Variants in ARSK observed in about 807,000 individuals in gnomAD.
The protein encoded by ARSK is arylsulfatase K.
A neutral mutation model predicts 53.2 loss-of-function variants in ARSK; 37 were observed. The ratio of observed to expected loss-of-function variants is 0.70; its 90% CI spans 0.54 to 0.92. The LOEUF is 0.92. Among genes scored for constraint, ARSK ranks in the 40% least tolerant of loss-of-function variants. The probability of loss-of-function intolerance (pLI) is 0.00; values close to 1 mark genes in which losing one functional copy is unlikely to be tolerated. For missense variants in ARSK, 613 were observed against 643.0 expected, an observed-to-expected ratio of 0.95 and a Z score of 0.51; for synonymous variants, 208 against 223.2, an observed-to-expected ratio of 0.93 and a Z score of 0.61.
At chr5:95,583,266 G>T in intron 4 of ARSK, 68 bp downstream of exon 4, 1 of 1,302,780 alleles carries the variant, frequency 7.7e-7, no homozygotes, top group Non-Finnish European at 1.0e-6. Context: ...TTTGCTCATT[G>T]TTTCTTTTAT....
At chr5:95,559,154 A>C (rs1393491368) in intron 1 of ARSK, among the ~76,000 whole-genome samples, 2 of 152,180 alleles carry the variant, frequency 1.3e-5, no homozygotes, top group Non-Finnish European at 2.9e-5. Context: ...AAACAAAAAC[A>C]AAAAAACAGT....
intron 3 of ARSK, among the ~76,000 whole-genome samples, chr5:95,577,355 G>C (rs184591939): frequency 1.9e-4 from 29 of 152,246 alleles, no homozygotes; most frequent in African/African-American, 7.0e-4. Flanking sequence ...TAGATTCATA[G>C]CTAAAGTATT....
At chr5:95,577,010 G>A (rs182059070) in intron 3 of ARSK, among the ~76,000 whole-genome samples, 2 of 152,304 alleles carry the variant, frequency 1.3e-5, no homozygotes, top group Admixed American at 1.3e-4. Context: ...CCCATACCTG[G>A]CCAGTCGACA....
chr5:95,585,495 GGAAT>G (rs1749096929), intron 4 of ARSK, among the ~76,000 whole-genome samples: 1 of 152,174 alleles, frequency 6.6e-6, no homozygotes. Flanking sequence ...CCGTAAGAAA[GGAAT>G]GAATCATTTG....
At chr5:95,583,310 A>G (rs1749053732) in intron 4 of ARSK, 112 bp downstream of exon 4, 3 of 996,600 alleles carry the variant, frequency 3.0e-6, no homozygotes, top group Non-Finnish European at 4.1e-6. Context: ...AAAATTGTAT[A>G]TTCAAACTTG....
intron 4 of ARSK, among the ~76,000 whole-genome samples, chr5:95,585,706 TG>T (rs1749100848): frequency 6.6e-6 from 1 of 152,056 alleles, no homozygotes; most frequent in Non-Finnish European, 1.5e-5. Context: ...ACATACAAAT[TG>T]GGTACAGTGT....
intron 6 of ARSK, among the ~76,000 whole-genome samples, chr5:95,597,722 C>T (rs1452706929): frequency 6.6e-6 from 1 of 151,970 alleles, no homozygotes; most frequent in Non-Finnish European, 1.5e-5. Context: ...GGTGAAACCC[C>T]GTTTCTACTA....
intron 7 of ARSK, among the ~76,000 whole-genome samples, chr5:95,602,757 T>C (rs1749424516): frequency 6.6e-6 from 1 of 152,148 alleles, no homozygotes; most frequent in African/African-American, 2.4e-5. Context: ...TGAATGTAAC[T>C]TTCAAAACTC....
At chr5:95,564,924 C>G (rs1748702303) in intron 1 of ARSK, among the ~76,000 whole-genome samples, 1 of 152,136 alleles carries the variant, frequency 6.6e-6, no homozygotes, top group Non-Finnish European at 1.5e-5. Context: ...ATGTTAAATA[C>G]TCCCAAGTTT....
chr5:95,601,186 C>T, intron 7 of ARSK, 115 bp downstream of exon 7: 1 of 1,005,090 alleles, frequency 9.9e-7, no homozygotes, highest in African/African-American at 1.6e-5. Context: ...TGCTGCTTCT[C>T]ATGCTAGGAC....
At chr5:95,577,160 C>G (rs190934292) in intron 3 of ARSK, among the ~76,000 whole-genome samples, 1 of 152,166 alleles carries the variant, frequency 6.6e-6, no homozygotes, top group Non-Finnish European at 1.5e-5. Context: ...CAATAACCCA[C>G]CCGCTTTATT....
chr5:95,583,839 C>A (rs1007479019), intron 4 of ARSK, among the ~76,000 whole-genome samples: 1 of 152,184 alleles, frequency 6.6e-6, no homozygotes, highest in East Asian at 1.9e-4. Context: ...TACCTTCCAA[C>A]ATTTTAACTT....
At chr5:95,580,919 A>G (rs1376736358) in intron 3 of ARSK, 2 of 1,288,298 alleles carry the variant, frequency 1.6e-6, no homozygotes, top group South Asian at 1.2e-5. Flanking sequence ...CAACTAATCA[A>G]AGAAGTGAAA....
chr5:95,594,497 C>T (rs1188767878), intron 6 of ARSK, among the ~76,000 whole-genome samples: 1 of 152,068 alleles, frequency 6.6e-6, no homozygotes, highest in Non-Finnish European at 1.5e-5. Flanking sequence ...ATTTTTCTTT[C>T]ACATATAAAG....
chr5:95,588,563 A>G (rs1045328342), intron 5 of ARSK, among the ~76,000 whole-genome samples: 46 of 152,116 alleles, frequency 3.0e-4, no homozygotes, highest in African/African-American at 1.1e-3. Context: ...ACCAAATAGT[A>G]TTTAATACTG....
At chr5:95,597,342 CA>C (rs1443408418) in intron 6 of ARSK, among the ~76,000 whole-genome samples, 1 of 152,086 alleles carries the variant, frequency 6.6e-6, no homozygotes, top group Non-Finnish European at 1.5e-5. Context: ...ATTTAAATTT[CA>C]AAACCCTTCT....
In ARSK at chr5:95,601,001, C is replaced by G. The variant is rs749379584; in HGVS notation, c.1251C>G (p.Tyr417Ter). Reference protein sequence around the residue: ...FHGCNVNASTYMLRTNHWKYI... With the variant: ...FHGCNVNAST ...GATGTAATGTGAATGCCTCCACCTA[C>G]ATGCTTCGAACTAACCACTGGAAAT... Residue 417 changes from tyrosine to a stop codon, truncating the protein, a stop_gained, in exon 7 of 8, where the codon TAC becomes TAG. Coordinates refer to ENST00000380009, the MANE Select transcript of ARSK (RefSeq NM_198150.3). LOFTEE classifies it high-confidence loss of function. The G allele has an allele frequency of 6.2e-7, 1 of 1,614,106 alleles. No individual in the cohort carries two copies. Among genetic ancestry groups the G allele is most frequent in the Non-Finnish European group, 8.5e-7 (1 of 1,179,962 alleles).
In ARSK at chr5:95,583,009, C is replaced by T. The variant is rs952711175; in HGVS notation, c.510C>T (p.Val170=). 6.2e-7 allele frequency: 1 copy of T among 1,613,638 alleles called. No individual in the cohort carries two copies. The highest frequency in any genetic ancestry group is 1.3e-5 in the African/African-American group (1 of 74,892). ...ATCTTATCCGTAACAGGACTAAAGT[C>T]AGAGTGATGGAAAGGGATTGGCAGA... ...MVNLIRNRTK[V]RVMERDWQNT... Residue 170 remains valine (V), a synonymous_variant, in exon 4 of 8, where the codon GTC becomes GTT. Transcript: ENST00000380009.
intron 1 of ARSK, chr5:95,556,278 TC>T (rs1351351383): frequency 1.4e-6 from 1 of 700,846 alleles, no homozygotes. Flanking sequence ...CTTAAAGTTA[TC>T]TTTGTGATTT....
Sources: gnomAD v4.1 joint callset for allele counts (sites outside exome capture counted in the v4.1 genomes callset) on GRCh38, gnomAD v4.1.1 for gene constraint, MANE v1.5 for transcripts, NCBI Gene and HGNC (gene_info 2026-07-23, HGNC 2026-07-21) for gene names.